TTC3: variants seen among roughly 807,000 people sequenced by gnomAD.
TTC3 encodes E3 ubiquitin-protein ligase TTC3.
A neutral mutation model predicts 249.6 loss-of-function variants in TTC3; 180 were observed. That is an observed-to-expected ratio of 0.72 (90% CI 0.64 to 0.82). The LOEUF is 0.82. Ranked by LOEUF, TTC3 falls within the 40% of genes least tolerant of loss-of-function variation. The probability of loss-of-function intolerance (pLI) is 0.00; values close to 1 mark genes in which losing one functional copy is unlikely to be tolerated. For synonymous variants in TTC3, 717 were observed against 805.0 expected (o/e 0.89, Z 1.85); for missense variants, 2,061 against 2,398.4 (o/e 0.86, Z 2.94).
At chr21:37,169,094 C>G (rs2081504818) in intron 34 of TTC3, among the ~76,000 whole-genome samples, 7 of 151,972 alleles carry the variant, frequency 4.6e-5, no homozygotes, top group Admixed American at 4.6e-4. Context: ...TGCGCATTCT[C>G]TTGGTCACAT....
At chr21:37,152,774 A>G (rs79110306) in intron 26 of TTC3, among the ~76,000 whole-genome samples, 177 bp from the exon 27 acceptor site, 2 of 152,308 alleles carry the variant, frequency 1.3e-5, no homozygotes, top group African/African-American at 4.8e-5. Context: ...GTACACTTTC[A>G]TGTCTTTTCA....
At chr21:37,179,214 G>A (rs1315393068) in intron 35 of TTC3, among the ~76,000 whole-genome samples, 2 of 152,120 alleles carry the variant, frequency 1.3e-5, no homozygotes, top group African/African-American at 4.8e-5. Context: ...TTGAGACCAG[G>A]AAGTTGAGGC....
At chr21:37,085,621 G>C (rs150027397) in intron 1 of TTC3, among the ~76,000 whole-genome samples, 35 of 152,312 alleles carry the variant, frequency 2.3e-4, no homozygotes, top group Admixed American at 6.5e-4. Context: ...AACTGGTTTC[G>C]ACCCAGGTAG....
chr21:37,142,453 A>T (rs2078570457), intron 20 of TTC3, among the ~76,000 whole-genome samples: 1 of 152,212 alleles, frequency 6.6e-6, no homozygotes, highest in Non-Finnish European at 1.5e-5. Flanking sequence ...CTTATACACC[A>T]GTAACAGACA....
chr21:37,191,881 G>A (rs150415343), intron 40 of TTC3, among the ~76,000 whole-genome samples: 199 of 152,246 alleles, frequency 1.3e-3, no homozygotes, highest in African/African-American at 4.4e-3. Flanking sequence ...GAGCCACCGC[G>A]CCCAGCCGGA....
intron 1 of TTC3, chr21:37,082,819 A>G (rs2071887280): frequency 1.0e-6 from 1 of 968,944 alleles, no homozygotes; most frequent in Admixed American, 6.2e-5. Context: ...TTATTTTAAT[A>G]TTTAATTTTA....
chr21:37,137,717 G>A (rs1349120804), intron 18 of TTC3, among the ~76,000 whole-genome samples: 8 of 152,090 alleles, frequency 5.3e-5, no homozygotes, highest in Admixed American at 5.2e-4. Context: ...TTCTAGTGTG[G>A]GTAAAATACT....
exon 33 of TTC3, chr21:37,166,343 G>A: frequency 1.9e-6 from 3 of 1,614,182 alleles, no homozygotes; most frequent in Non-Finnish European, 2.5e-6. Flanking sequence ...CAATGACAGA[G>A]CAGATAAAAA....
chr21:37,153,308 C>G (rs766338321), intron 27 of TTC3, 31 bp downstream of exon 27: 1 of 1,558,600 alleles, frequency 6.4e-7, no homozygotes, highest in Non-Finnish European at 8.7e-7. Flanking sequence ...GAGCAATAAA[C>G]TTTAATACGA....
chr21:37,186,276 T>G lies in TTC3; in HGVS notation c.4826+502T>G, dbSNP rs895283054. Among the ~76,000 whole-genome samples the G allele has an allele frequency of 5.0e-4, 76 of 151,946 alleles. 2 individuals are homozygous for G. The highest frequency in any genetic ancestry group is 8.3e-4 in the South Asian group (4 of 4,828). On this transcript the variant is annotated intron_variant, in intron 37 of 45. Coordinates refer to ENST00000355666, the Ensembl canonical transcript of TTC3. ...TACATTCAGTGATAAGCAGTTGCAT[T>G]CTGCTTTTCTCACTATTGTTTCTTA...
At chr21:37,088,102 T>G (rs1205966946) in intron 3 of TTC3, 94 bp from the exon 4 acceptor site, 1 of 1,147,504 alleles carries the variant, frequency 8.7e-7, no homozygotes, top group East Asian at 2.6e-5. Context: ...ATTTCTTCCC[T>G]CTCCATATCC....
intron 33 of TTC3, among the ~76,000 whole-genome samples, 171 bp downstream of exon 33, chr21:37,166,786 G>C (rs1317145006): frequency 6.6e-6 from 1 of 152,170 alleles, no homozygotes; most frequent in South Asian, 2.1e-4. Context: ...AGGCATGACA[G>C]GTAATCTTCT....
chr21:37,110,367 C>T (rs182940237), intron 11 of TTC3, among the ~76,000 whole-genome samples: 1 of 151,474 alleles, frequency 6.6e-6, no homozygotes, highest in African/African-American at 2.4e-5. Context: ...CCTTAAAGGA[C>T]CTGATGGAGC....
At chr21:37,079,537 T>G (rs148067358) in intron 1 of TTC3, among the ~76,000 whole-genome samples, 62,046 of 135,492 alleles carry the variant, frequency 0.46, 15,161 homozygotes, top group Non-Finnish European at 0.5. Flanking sequence ...TTTTTTTTTT[T>G]TTTTTTTTTT....
chr21:37,149,198 A>G (rs1264891973), intron 23 of TTC3, among the ~76,000 whole-genome samples: 1 of 152,216 alleles, frequency 6.6e-6, no homozygotes, highest in Non-Finnish European at 1.5e-5. Flanking sequence ...GAGGGAAGTC[A>G]TAGTATTACA....
intron 11 of TTC3, among the ~76,000 whole-genome samples, chr21:37,116,729 C>T (rs941071186): frequency 6.6e-6 from 1 of 152,012 alleles, no homozygotes; most frequent in South Asian, 2.1e-4. Context: ...ATCACTTGAA[C>T]CCAGGAGATG....
At chr21:37,141,014 T>G (rs1601727843) in intron 20 of TTC3, among the ~76,000 whole-genome samples, 1 of 152,332 alleles carries the variant, frequency 6.6e-6, no homozygotes, top group South Asian at 2.1e-4. Context: ...TTTTTTTGAT[T>G]TAATTATTTT....
intron 33 of TTC3, among the ~76,000 whole-genome samples, chr21:37,166,965 G>A (rs1235729719): frequency 6.6e-6 from 1 of 152,188 alleles, no homozygotes; most frequent in African/African-American, 2.4e-5. Flanking sequence ...AGCTGGAAGT[G>A]TAGCCTGCAT....
intron 16 of TTC3, among the ~76,000 whole-genome samples, chr21:37,132,125 T>C (rs1488986929): frequency 1.3e-5 from 2 of 152,182 alleles, no homozygotes; most frequent in Non-Finnish European, 2.9e-5. Flanking sequence ...CCACCTCTGA[T>C]TTTATAGGAA....
Sources: allele counts gnomAD v4.1 joint callset (sites outside exome capture counted in the v4.1 genomes callset), GRCh38; gene constraint gnomAD v4.1.1; transcripts MANE v1.5; gene names NCBI Gene and HGNC (gene_info 2026-07-23, HGNC 2026-07-21).